GPC5: variants seen among roughly 807,000 people sequenced by gnomAD.
GPC5 encodes the protein glypican 5.
GPC5 carries 47 observed loss-of-function variants against 53.9 expected under a neutral mutation model. The observed-to-expected ratio is 0.87, with a 90% confidence interval of 0.69 to 1.11. The LOEUF (loss-of-function observed/expected upper bound fraction) is 1.11, where lower values mean the gene tolerates loss of function less well. Among genes scored for constraint, GPC5 ranks in the 50% most tolerant of loss-of-function variants. GPC5 has a pLI of 0.00. For missense variants in GPC5, 748 were observed against 713.1 expected (o/e 1.05, Z -0.56); for synonymous variants, 286 against 263.3 (o/e 1.09, Z -0.84).
intron 7 of GPC5, among the ~76,000 whole-genome samples, chr13:92,388,849 G>A (rs1874863023): frequency 6.6e-6 from 1 of 152,138 alleles, no homozygotes; most frequent in Admixed American, 6.6e-5. Flanking sequence ...CCAGGACAGG[G>A]AGATGTTTGG....
Position 91,875,830 on chromosome 13 carries a change from C to G in GPC5, c.1281-32107C>G, listed in dbSNP as rs891165933. ...AACAATATTTTACATAGCTACAGTG[C>G]ATTGTCAAAACCAGGAAATTCATAT... On this transcript the variant is annotated intron_variant, in intron 5 of 7. Coordinates refer to ENST00000377067, the MANE Select transcript of GPC5 (RefSeq NM_004466.6). 4.6e-5 allele frequency among the ~76,000 whole-genome samples: 7 copies of G among 152,190 alleles called. No homozygotes were observed. In the East Asian group the frequency reaches 1.2e-3, roughly 25 times the overall value.
chr13:91,504,873 G>A (rs1209419698), intron 2 of GPC5, among the ~76,000 whole-genome samples: 1 of 152,146 alleles, frequency 6.6e-6, no homozygotes, highest in Non-Finnish European at 1.5e-5. Flanking sequence ...AGGATCGCTT[G>A]AGGTAAGGAG....
chr13:91,464,918 C>T (rs1201103169), intron 2 of GPC5, among the ~76,000 whole-genome samples: 4 of 152,126 alleles, frequency 2.6e-5, no homozygotes, highest in African/African-American at 9.7e-5. Flanking sequence ...ATACAAGATG[C>T]TTCCCCTGGG....
chr13:91,940,696 A>G (rs1406523957), intron 6 of GPC5, among the ~76,000 whole-genome samples: 6 of 152,020 alleles, frequency 3.9e-5, no homozygotes, highest in Non-Finnish European at 7.4e-5. Flanking sequence ...TCTGACTGGA[A>G]TGAAATGGTA....
At chr13:91,821,663 A>G (rs1228719966) in intron 5 of GPC5, among the ~76,000 whole-genome samples, 1 of 152,162 alleles carries the variant, frequency 6.6e-6, no homozygotes, top group Admixed American at 6.5e-5. Context: ...GAATTTTATC[A>G]TATGGATTTT....
chr13:92,081,142 C>T (rs1047261976), intron 6 of GPC5, among the ~76,000 whole-genome samples: 2 of 152,080 alleles, frequency 1.3e-5, no homozygotes, highest in African/African-American at 4.8e-5. Flanking sequence ...GAGTTTCGCT[C>T]TTGTCTCCCA....
At chr13:92,851,928 T>C (rs1254200292) in intron 7 of GPC5, among the ~76,000 whole-genome samples, 1 of 146,422 alleles carries the variant, frequency 6.8e-6, no homozygotes, top group Non-Finnish European at 1.5e-5. Context: ...TAAGCCAAGA[T>C]AGCCACTCTG....
chr13:92,199,318 T>C (rs938573540), intron 7 of GPC5, among the ~76,000 whole-genome samples: 3 of 152,208 alleles, frequency 2.0e-5, no homozygotes, highest in Non-Finnish European at 4.4e-5. Flanking sequence ...TATAAAAAGA[T>C]ATGTAAAATA....
At chr13:91,576,784 C>T (rs2032154190) in intron 2 of GPC5, among the ~76,000 whole-genome samples, 1 of 152,132 alleles carries the variant, frequency 6.6e-6, no homozygotes, top group African/African-American at 2.4e-5. Context: ...AAGCAGAAAT[C>T]TCCTGTCATC....
intron 7 of GPC5, among the ~76,000 whole-genome samples, chr13:92,835,100 C>G (rs1878179570): frequency 6.6e-6 from 1 of 151,960 alleles, no homozygotes; most frequent in Non-Finnish European, 1.5e-5. Flanking sequence ...TCAGGTAATC[C>G]ATACTACAGA....
chr13:92,586,209 T>C (rs1310254444), intron 7 of GPC5, among the ~76,000 whole-genome samples: 2 of 152,222 alleles, frequency 1.3e-5, no homozygotes, highest in Admixed American at 6.5e-5. Flanking sequence ...GAAAACATTA[T>C]GGTTAGAGAA....
chr13:91,565,626 T>G (rs973573608), intron 2 of GPC5, among the ~76,000 whole-genome samples: 3 of 152,234 alleles, frequency 2.0e-5, no homozygotes, highest in African/African-American at 7.2e-5. Context: ...GCCATGGTTG[T>G]TTGTCCTAGG....
intron 7 of GPC5, among the ~76,000 whole-genome samples, chr13:92,528,055 A>G (rs994408764): frequency 7.2e-5 from 11 of 152,120 alleles, no homozygotes; most frequent in Non-Finnish European, 1.3e-4. Context: ...CTTAGGAAAA[A>G]AATGATTGAA....
At chr13:91,733,845 C>G (rs2036756176) in intron 4 of GPC5, among the ~76,000 whole-genome samples, 1 of 152,112 alleles carries the variant, frequency 6.6e-6, no homozygotes, top group Non-Finnish European at 1.5e-5. Flanking sequence ...ATTGCCCCGG[C>G]CAGAACTTCC....
chr13:92,530,727 C>A lies in GPC5; in HGVS notation c.1562-335555C>A, dbSNP rs561146195. On this transcript the variant is annotated intron_variant, in intron 7 of 7. Transcript: ENST00000377067. ...TCCTATGTCAACACCATTTTCACAC[C>A]CTCACGTGTGAATAAATGCCTTCCA... Among the ~76,000 whole-genome samples the A allele has an allele frequency of 5.3e-5, 8 of 152,190 alleles. No individual in the cohort carries two copies. In the East Asian group the frequency reaches 9.7e-4, roughly 18 times the overall value.
At chr13:92,525,084 C>T (rs187517862) in intron 7 of GPC5, among the ~76,000 whole-genome samples, 115 of 152,116 alleles carry the variant, frequency 7.6e-4, no homozygotes, top group Admixed American at 1.6e-3. Context: ...GCAGCTATGA[C>T]TGAAAGGCCA....
At chr13:91,934,387 C>A (rs1471266425) in intron 6 of GPC5, among the ~76,000 whole-genome samples, 3 of 151,800 alleles carry the variant, frequency 2.0e-5, no homozygotes, top group Non-Finnish European at 4.4e-5. Context: ...TGACCCTGGG[C>A]AGTGACACAT....
At chr13:92,348,647 G>A (rs966632831) in intron 7 of GPC5, among the ~76,000 whole-genome samples, 8 of 152,040 alleles carry the variant, frequency 5.3e-5, no homozygotes, top group African/African-American at 1.9e-4. Flanking sequence ...AGCACACAGA[G>A]AACATTCTCC....
At chr13:91,849,486 T>C (rs1472570717) in intron 5 of GPC5, among the ~76,000 whole-genome samples, 2 of 148,192 alleles carry the variant, frequency 1.3e-5, no homozygotes, top group Non-Finnish European at 3.0e-5. Context: ...AGCCAAATTC[T>C]ATATTCAGAG....
Sources: allele counts gnomAD v4.1 joint callset (sites outside exome capture counted in the v4.1 genomes callset), GRCh38; gene constraint gnomAD v4.1.1; transcripts MANE v1.5; gene names NCBI Gene and HGNC (gene_info 2026-07-23, HGNC 2026-07-21).